Variants in SAMD12 observed in about 807,000 individuals in gnomAD.
SAMD12 encodes the protein sterile alpha motif domain-containing protein 12.
Under a neutral mutation model 15.0 loss-of-function variants are expected in SAMD12, and 9 were observed. The observed-to-expected ratio is 0.60, with a 90% CI of 0.36 to 1.05. The LOEUF (loss-of-function observed/expected upper bound fraction) is 1.05. SAMD12 is among the 50% of genes least tolerant of loss of function. The probability of loss-of-function intolerance (pLI) is 0.01; values close to 1 mark genes in which losing one functional copy is unlikely to be tolerated. For synonymous variants in SAMD12, 86 were observed against 90.1 expected (o/e 0.96, Z 0.25); for missense variants, 230 against 234.2 (o/e 0.98, Z 0.12).
At chr8:118,282,947 GA>G (rs1813726103) in intron 4 of SAMD12, among the ~76,000 whole-genome samples, 1 of 151,880 alleles carries the variant, frequency 6.6e-6, no homozygotes, top group African/African-American at 2.4e-5. Context: ...GACATTGGTA[GA>G]ATGAACTTTA....
intron 1 of SAMD12, among the ~76,000 whole-genome samples, chr8:118,604,917 G>A (rs572314400): frequency 7.3e-5 from 11 of 151,634 alleles, no homozygotes; most frequent in Middle Eastern, 3.4e-3. Context: ...GAGAGACTCC[G>A]TCTCAAAAAA....
At chr8:118,220,696 C>T (rs1454885290) in intron 4 of SAMD12, among the ~76,000 whole-genome samples, 1 of 152,144 alleles carries the variant, frequency 6.6e-6, no homozygotes, top group Non-Finnish European at 1.5e-5. Flanking sequence ...TAGACTTGGC[C>T]AAGCTTGGAA....
intron 1 of SAMD12, among the ~76,000 whole-genome samples, chr8:118,582,451 T>C (rs1408430506): frequency 1.3e-5 from 2 of 152,168 alleles, no homozygotes; most frequent in African/African-American, 2.4e-5. Flanking sequence ...AACAAACTGA[T>C]TGCACAAAGG....
At chr8:118,187,266 A>G (rs1381619187), downstream of SAMD12, among the ~76,000 whole-genome samples, 1 of 152,152 alleles carries the variant, frequency 6.6e-6, no homozygotes, top group African/African-American at 2.4e-5. Context: ...TTTTTAGTTA[A>G]TTTTTCAATA....
At chr8:118,586,226 C>T (rs1827435599) in intron 1 of SAMD12, among the ~76,000 whole-genome samples, 1 of 152,124 alleles carries the variant, frequency 6.6e-6, no homozygotes, top group South Asian at 2.1e-4. Context: ...CCCTTATTTG[C>T]ATAGATAACT....
intron 4 of SAMD12, among the ~76,000 whole-genome samples, chr8:118,250,901 G>T (rs1047914638): frequency 6.6e-6 from 1 of 152,086 alleles, no homozygotes; most frequent in Non-Finnish European, 1.5e-5. Flanking sequence ...GTCAAAGAGA[G>T]TCTGTCCTAC....
chr8:118,452,480 A>T lies in SAMD12; in HGVS notation c.193-12519T>A, dbSNP rs1823113332. ...TACTAGGTTTCATACAATTAGAAAAAATTTTTGCTGAGAATTTGCCTCATT... is the reference window on the plus strand; with the variant it reads ...TACTAGGTTTCATACAATTAGAAAATATTTTTGCTGAGAATTTGCCTCATT... On this transcript the variant is annotated intron_variant, in intron 2 of 3. Coordinates refer to ENST00000314727, the MANE Select transcript of SAMD12 (RefSeq NM_207506.3). Among the ~76,000 whole-genome samples the T allele has an allele frequency of 2.0e-5, 3 of 152,252 alleles. No homozygotes were observed. The South Asian group carries it at 6.2e-4, about 32-fold the overall frequency.
intron 4 of SAMD12, among the ~76,000 whole-genome samples, chr8:118,262,897 C>T (rs937387052): frequency 6.6e-6 from 1 of 152,060 alleles, no homozygotes; most frequent in African/African-American, 2.4e-5. Context: ...ACTCAAATAA[C>T]TTTAACCCAA....
chr8:118,603,904 A>G (rs1455976997), intron 1 of SAMD12, among the ~76,000 whole-genome samples: 1 of 152,252 alleles, frequency 6.6e-6, no homozygotes, highest in Non-Finnish European at 1.5e-5. Flanking sequence ...TGATAAGTTT[A>G]TAGAACACAG....
At chr8:118,279,366 C>G (rs893412424) in intron 4 of SAMD12, among the ~76,000 whole-genome samples, 2 of 151,934 alleles carry the variant, frequency 1.3e-5, no homozygotes, top group Non-Finnish European at 2.9e-5. Flanking sequence ...AAAAAAATAC[C>G]CTAACACCTT....
chr8:118,600,299 A>G (rs909739288), intron 1 of SAMD12, among the ~76,000 whole-genome samples: 2 of 152,040 alleles, frequency 1.3e-5, no homozygotes, highest in Admixed American at 1.3e-4. Flanking sequence ...AAAAAAAACT[A>G]CATTTAGAGT....
At chr8:118,411,721 C>T (rs1265807737) in intron 3 of SAMD12, among the ~76,000 whole-genome samples, 1 of 152,094 alleles carries the variant, frequency 6.6e-6, no homozygotes, top group Admixed American at 6.5e-5. Context: ...AAAGAGTATA[C>T]TGACAGCTTG....
chr8:118,430,542 T>C (rs969532150), intron 3 of SAMD12, among the ~76,000 whole-genome samples: 1 of 152,118 alleles, frequency 6.6e-6, no homozygotes, highest in African/African-American at 2.4e-5. Flanking sequence ...TTTGTATTTT[T>C]AGTAGAGACA....
chr8:118,148,684 T>C, the SAMD12 span, among the ~76,000 whole-genome samples: 1 of 152,188 alleles, frequency 6.6e-6, no homozygotes, highest in Non-Finnish European at 1.5e-5. Context: ...CTTTGTGCAG[T>C]TAATCCTCAT....
At chr8:118,407,392 G>T (rs1408037350) in intron 3 of SAMD12, among the ~76,000 whole-genome samples, 2 of 152,012 alleles carry the variant, frequency 1.3e-5, no homozygotes, top group African/African-American at 4.8e-5. Flanking sequence ...TCAAGGTTTT[G>T]ATTATTATTT....
At chr8:118,221,813 T>G (rs1812088099) in intron 4 of SAMD12, among the ~76,000 whole-genome samples, 1 of 152,178 alleles carries the variant, frequency 6.6e-6, no homozygotes, top group South Asian at 2.1e-4. Context: ...ATTGTCAGAG[T>G]TGCCGTTTTT....
At chr8:118,169,277 CAAAT>C in the SAMD12 span, among the ~76,000 whole-genome samples, 1 of 152,154 alleles carries the variant, frequency 6.6e-6, no homozygotes, top group Admixed American at 6.5e-5. Context: ...ACACAGTAGA[CAAAT>C]TTCCTTTCAT....
intron 4 of SAMD12, among the ~76,000 whole-genome samples, chr8:118,342,382 C>G (rs1331642522): frequency 1.3e-5 from 2 of 152,110 alleles, no homozygotes; most frequent in Non-Finnish European, 2.9e-5. Flanking sequence ...AAGTGTTTCA[C>G]TGTCTTTGAT....
intron 2 of SAMD12, among the ~76,000 whole-genome samples, chr8:118,531,053 T>A (rs1825670988): frequency 6.6e-6 from 1 of 152,252 alleles, no homozygotes; most frequent in South Asian, 2.1e-4. Context: ...AGGGTTTTTA[T>A]GGTTTTAGGT....
Sources: gnomAD v4.1 joint callset for allele counts (sites outside exome capture counted in the v4.1 genomes callset) on GRCh38, gnomAD v4.1.1 for gene constraint, MANE v1.5 for transcripts, NCBI Gene and HGNC (gene_info 2026-07-23, HGNC 2026-07-21) for gene names.